The following P2RX6 variants were observed in gnomAD, a reference collection of about 807,000 sequenced individuals.
The protein encoded by P2RX6 is purinergic receptor P2X 6, also known as P2X purinoceptor 6.
In P2RX6, 62 loss-of-function variants were observed where a neutral mutation model predicts 54.2. The ratio of observed to expected loss-of-function variants is 1.14; its 90% CI spans 0.93 to 1.41. The LOEUF (loss-of-function observed/expected upper bound fraction) is 1.41. Ranked by LOEUF, P2RX6 falls within the 40% of genes most tolerant of loss-of-function variation. The pLI, the probability that P2RX6 is intolerant of heterozygous loss-of-function variation, is 0.00. For synonymous variants in P2RX6, 211 were observed against 231.9 expected, an observed-to-expected ratio of 0.91 and a Z score of 0.82; for missense variants, 541 against 566.3, an observed-to-expected ratio of 0.96 and a Z score of 0.45.
At chr22:21,023,225 C>G in intron 6 of P2RX6, 27 bp downstream of exon 6, 1 of 1,613,422 alleles carries the variant, frequency 6.2e-7, no homozygotes, top group South Asian at 1.1e-5. Context: ...TCATCTGCCC[C>G]AAGACCCTCC....
chr22:21,026,887 C>A lies in P2RX6; in HGVS notation c.*270C>A. On this transcript the variant is annotated 3_prime_UTR_variant, in exon 12 of 12. Coordinates refer to ENST00000413302, the MANE Select transcript of P2RX6 (RefSeq NM_005446.5). This position sits in a 1 kb window ranked among gnomAD's most constrained non-coding sequence, Gnocchi z 4.0. ...ATTGCAGGGCTCCGACTGCATGTGG[C>A]AGGGGCTCCTGCTGCGTCTGGGCCT... The A allele has an allele frequency of 1.7e-6, 1 of 578,296 alleles. No individual in the cohort carries two copies. Among genetic ancestry groups the A allele is most frequent in the Non-Finnish European group, 2.9e-6 (1 of 340,812 alleles). 35.8% of individuals were successfully genotyped at this position (578,296 alleles called of 1,614,324 possible). A position where few individuals can be genotyped will look rare whatever the true frequency, so the allele number is the denominator to read the frequency against.
upstream of P2RX6, among the ~76,000 whole-genome samples, chr22:21,014,495 G>C (rs1926009208): frequency 6.6e-6 from 1 of 152,216 alleles, no homozygotes; most frequent in Admixed American, 6.5e-5. Flanking sequence ...CTATGCACTG[G>C]GCTGGGCGCC....
At chr22:21,012,021 C>G (rs962370139), upstream of P2RX6, among the ~76,000 whole-genome samples, 3 of 152,192 alleles carry the variant, frequency 2.0e-5, no homozygotes, top group Admixed American at 6.5e-5. Flanking sequence ...GAGTGCATTT[C>G]ACTTCATGCT....
At chr22:21,023,925 T>C (rs2148070956) in intron 8 of P2RX6, among the ~76,000 whole-genome samples, 1 of 150,832 alleles carries the variant, frequency 6.6e-6, no homozygotes, top group Admixed American at 6.6e-5. Context: ...ATGGGGTGTT[T>C]CATTTTTACT....
rs780071356 is a variant in P2RX6, at chr22:21,023,329, A to G, written c.693A>G (p.Glu231=). 1.9e-5 allele frequency: 31 copies of G among 1,613,712 alleles called. No homozygotes were observed. Among genetic ancestry groups the G allele is most frequent in the Non-Finnish European group, 2.5e-5 (30 of 1,179,872 alleles). ...CCTATTTTAAGCACTGCCGCTATGA[A>G]CCACAATTCAGCCCCTACTGTCCCG... ...DPTYFKHCRY[E]PQFSPYCPVF... is the part of the protein sequence containing the mutation. The change falls in exon 7 of 12, where the codon GAA becomes GAG. Residue 231 remains glutamate, a synonymous_variant. Transcript: ENST00000413302.
At chr22:21,016,374 G>C (rs929356249) in intron 2 of P2RX6, among the ~76,000 whole-genome samples, 1 of 152,054 alleles carries the variant, frequency 6.6e-6, no homozygotes, top group African/African-American at 2.4e-5. Context: ...AAGGCAGGTG[G>C]ATCACGAGAT....
At position 21,026,700 on chromosome 22, in the gene P2RX6, G is replaced by A; in HGVS notation, c.*83G>A. On this transcript the variant is annotated 3_prime_UTR_variant, in exon 12 of 12. Transcript: ENST00000413302. This position sits in a 1 kb window ranked among gnomAD's most constrained non-coding sequence, Gnocchi z 4.0. ...CTCAAGGATGAGGCCCCAGCATGGA[G>A]GATTGGGGGTAGAATTCCACCCTTG... The A allele has an allele frequency of 6.7e-7, 1 of 1,496,262 alleles. No individual in the cohort carries two copies. The highest frequency in any genetic ancestry group is 8.9e-7 in the Non-Finnish European group (1 of 1,117,974). 92.7% of individuals were successfully genotyped at this position (1,496,262 alleles called of 1,614,324 possible).
At chr22:21,014,920 T>G, upstream of P2RX6, 1 of 414,042 alleles carries the variant, frequency 2.4e-6, no homozygotes, top group Non-Finnish European at 4.2e-6. Flanking sequence ...CCACCTCCAC[T>G]CCCACCCCAG....
chr22:21,017,997 C>T lies in P2RX6; in HGVS notation c.324C>T (p.Asn108=), dbSNP rs761402155. 10 of 1,611,544 alleles carry T rather than the reference C, an allele frequency of 6.2e-6. No homozygotes were observed. Among genetic ancestry groups the T allele is most frequent in the Admixed American group, 3.3e-5 (2 of 59,952 alleles). ...TGAGACTTGCCTCCTAGGGAGAGAACGTGTTCTTCTTGGTGACCAACTTCC... is the reference window on the plus strand; with the variant it reads ...TGAGACTTGCCTCCTAGGGAGAGAATGTGTTCTTCTTGGTGACCAACTTCC... The part of the protein sequence containing the change: ...ADFVKPPQGE[N]VFFLVTNFLV... The change falls in exon 3 of 12, where the codon AAC becomes AAT. Residue 108 remains asparagine, a synonymous_variant. Transcript: ENST00000413302.
Position 21,023,352 on chromosome 22 carries a change from C to A in P2RX6, c.716C>A (p.Pro239His). Residue 239 changes from proline (P) to histidine (H), a missense_variant, in exon 7 of 12, where the codon CCC becomes CAC. Coordinates refer to ENST00000413302, the MANE Select transcript of P2RX6 (RefSeq NM_005446.5). ...GAACCACAATTCAGCCCCTACTGTC[C>A]CGTGTTCCGCATTGGGGACCTCGTG... ...RYEPQFSPYCPVFRIGDLVAK... is the reference protein window; with the variant it reads ...RYEPQFSPYCHVFRIGDLVAK... 1 of 1,613,978 alleles carries A rather than the reference C, an allele frequency of 6.2e-7. No homozygotes were observed. Among genetic ancestry groups the A allele is most frequent in the Non-Finnish European group, 8.5e-7 (1 of 1,179,890 alleles).
chr22:21,010,662 G>C (rs1925689104), upstream of P2RX6, among the ~76,000 whole-genome samples: 1 of 152,248 alleles, frequency 6.6e-6, no homozygotes, highest in East Asian at 1.9e-4. Flanking sequence ...CATTTGAGGA[G>C]AGGCAGGTAG....
rs200058550 is a variant in P2RX6, at chr22:21,018,104, A to G, written c.387+44A>G. 4.0e-5 allele frequency: 56 copies of G among 1,411,772 alleles called. No individual in the cohort carries two copies. In the East Asian group the frequency reaches 5.8e-4, roughly 15 times the overall value. 87.5% of individuals were successfully genotyped at this position (1,411,772 alleles called of 1,614,324 possible). A position where few individuals can be genotyped will look rare whatever the true frequency, so the allele number is the denominator to read the frequency against. ...CTCCCAGCGGGTCCCTTGTTCCTCC[A>G]TCAGCCCCAGGGGGCCACCCGTGTT... On this transcript the variant is annotated intron_variant, in intron 3 of 11. Transcript: ENST00000413302.
upstream of P2RX6, chr22:21,014,962 C>T: frequency 8.1e-6 from 4 of 492,660 alleles, no homozygotes; most frequent in South Asian, 1.3e-4. Context: ...GACAGAGCTG[C>T]TGCTGTTCTC....
chr22:21,024,716 G>A lies in P2RX6; in HGVS notation c.891-1089G>A, dbSNP rs112071223. ...CTCCAGAGTAGCTGGGATGACAGGT[G>A]TGCACCACCACACCCAACTAATTTT... On this transcript the variant is annotated intron_variant, in intron 8 of 11. Coordinates refer to ENST00000413302, the MANE Select transcript of P2RX6 (RefSeq NM_005446.5). Among the ~76,000 whole-genome samples the A allele has an allele frequency of 3.7e-3, 567 of 152,022 alleles. 6 individuals are homozygous for A. The highest frequency in any genetic ancestry group is 0.013 in the African/African-American group (536 of 41,444).
At chr22:21,014,854 G>A (rs931907090), upstream of P2RX6, among the ~76,000 whole-genome samples, 3 of 152,148 alleles carry the variant, frequency 2.0e-5, no homozygotes, top group Admixed American at 6.5e-5. Context: ...TGCTGCTGCT[G>A]CCCTCAGGCC....
chr22:21,025,636 C>T (rs1489550405), intron 8 of P2RX6, among the ~76,000 whole-genome samples, 169 bp from the exon 9 acceptor site: 2 of 152,208 alleles, frequency 1.3e-5, no homozygotes, highest in African/African-American at 2.4e-5. Flanking sequence ...GACAGGTCTT[C>T]GTTTGCTTTT....
chr22:21,022,476 T>C (rs895544255), intron 3 of P2RX6, among the ~76,000 whole-genome samples, 200 bp from the exon 4 acceptor site: 1 of 152,210 alleles, frequency 6.6e-6, no homozygotes, highest in Non-Finnish European at 1.5e-5. Context: ...CTCCCTCCTC[T>C]GACCACCTCC....
intron 8 of P2RX6, among the ~76,000 whole-genome samples, chr22:21,025,336 C>T (rs930192500): frequency 1.3e-4 from 19 of 146,698 alleles, no homozygotes; most frequent in East Asian, 7.8e-4. Context: ...CACTGCACCC[C>T]GTCTGATCTG....
upstream of P2RX6, chr22:21,014,927 C>T: frequency 4.7e-6 from 2 of 428,020 alleles, no homozygotes. Context: ...CACTCCCACC[C>T]CAGGAAGTGA....
Sources: allele counts gnomAD v4.1 joint callset (sites outside exome capture counted in the v4.1 genomes callset), GRCh38; gene constraint gnomAD v4.1.1; non-coding constraint Gnocchi (gnomAD v3.1); transcripts MANE v1.5; gene names NCBI Gene and HGNC (gene_info 2026-07-23, HGNC 2026-07-21).